The following F12 variants were observed in gnomAD, a reference collection of about 807,000 sequenced individuals.
The protein encoded by F12 is coagulation factor XII.
In F12, 70 loss-of-function variants were observed where a neutral mutation model predicts 74.8. The ratio of observed to expected loss-of-function variants is 0.94; its 90% CI spans 0.77 to 1.14. The LOEUF is 1.14. F12 is among the 50% of genes most tolerant of loss of function. The pLI is 0.00. For missense variants in F12, 811 were observed against 835.7 expected, an observed-to-expected ratio of 0.97 and a Z score of 0.36; for synonymous variants, 373 against 356.4, an observed-to-expected ratio of 1.05 and a Z score of -0.52.
chr5:177,409,029 G>T lies in F12; in HGVS notation c.115+17C>A, dbSNP rs1460857966. 49 of 1,550,792 alleles carry T rather than the reference G, an allele frequency of 3.2e-5. No homozygotes were observed. The highest frequency in any genetic ancestry group is 4.2e-5 in the Non-Finnish European group (48 of 1,146,950). ...CCCCACCCAAGGGTTCCCGGGAGGA[G>T]GAGCCAGGCCACTTACCGACTGTGT... On this transcript the variant is annotated intron_variant, in intron 2 of 13. Transcript: ENST00000253496.
Position 177,404,681 on chromosome 5 carries a change from C to A in F12, c.635-17G>T, listed in dbSNP as rs1346515061. The A allele has an allele frequency of 6.2e-7, 1 of 1,606,678 alleles. No individual in the cohort carries two copies. Among genetic ancestry groups the A allele is most frequent in the Non-Finnish European group, 8.5e-7 (1 of 1,179,672 alleles). ...CCTTGGTGTCTGAGGAGAAAGGGGG[C>A]TCCCTGGGCAGCCAAGGCTGGGCTC... On this transcript the variant is annotated splice_polypyrimidine_tract_variant and intron_variant, in intron 7 of 13. Coordinates refer to ENST00000253496, the MANE Select transcript of F12 (RefSeq NM_000505.4).
At chr5:177,403,788 A>T (rs1157693714) in intron 10 of F12, 71 bp downstream of exon 10, 23 of 1,459,778 alleles carry the variant, frequency 1.6e-5, no homozygotes, top group Non-Finnish European at 2.0e-5. Context: ...GTTCGGGTGC[A>T]GCGTGGAAGC....
chr5:177,405,618 TG>T (rs1295299790), intron 4 of F12, 116 bp downstream of exon 4: 1 of 1,233,632 alleles, frequency 8.1e-7, no homozygotes, highest in East Asian at 2.3e-5. Flanking sequence ...AAGGGTATTG[TG>T]GAGGGAGAGA....
Position 177,405,100 on chromosome 5 carries a change from G to A in F12, c.483C>T (p.Cys161=). 1 of 1,613,604 alleles carries A rather than the reference G, an allele frequency of 6.2e-7. No individual in the cohort carries two copies. Among genetic ancestry groups the A allele is most frequent in the Non-Finnish European group, 8.5e-7 (1 of 1,180,022 alleles). Residue 161 remains cysteine, a synonymous_variant, in exon 6 of 14, where the codon TGC becomes TGT. Coordinates refer to ENST00000253496, the MANE Select transcript of F12 (RefSeq NM_000505.4). The part of the protein sequence containing the change: ...YRTEQAAVAR[C]QCKGPDAHCQ... ...AGTGGGCATCAGGACCCTTGCACTG[G>A]CATCTGGCCACAGCTGCTTGCTCAG...
At chr5:177,402,816 G>A in intron 12 of F12, 118 bp from the exon 13 acceptor site, 1 of 1,401,838 alleles carries the variant, frequency 7.1e-7, no homozygotes, top group African/African-American at 1.4e-5. Context: ...CTCGCAGCAA[G>A]CCCGAAGGGG....
chr5:177,403,878 C>T lies in F12; in HGVS notation c.1231G>A (p.Ala411Thr), dbSNP rs865853663. The change falls in exon 10 of 14, where the codon GCT (alanine) becomes ACT (threonine). Residue 411 changes from alanine to threonine, a missense_variant. Ala to Thr is a moderately conservative substitution (Grantham distance 58, BLOSUM62 0). Coordinates refer to ENST00000253496, the MANE Select transcript of F12 (RefSeq NM_000505.4). ...LIAPCWVLTA[A>T]HCLQDRPAPE... Reference sequence around the variant, plus strand: ...ACTCGCCGGTCCTGCAGGCAGTGAGCGGCCGTCAGCACCCAGCAGGGGGCG... The same window carrying T: ...ACTCGCCGGTCCTGCAGGCAGTGAGTGGCCGTCAGCACCCAGCAGGGGGCG... The T allele has an allele frequency of 4.5e-6, 7 of 1,557,430 alleles. No homozygotes were observed. In the East Asian group the frequency reaches 1.2e-4, roughly 26 times the overall value.
intron 3 of F12, 37 bp from the exon 4 acceptor site, chr5:177,405,842 G>A (rs776278908): frequency 6.2e-7 from 1 of 1,612,430 alleles, no homozygotes; most frequent in Admixed American, 1.7e-5. Context: ...CTCTACCCAG[G>A]GGCCTGGCCC....
chr5:177,403,194 C>T, intron 12 of F12, 60 bp downstream of exon 12: 1 of 1,592,206 alleles, frequency 6.3e-7, no homozygotes, highest in East Asian at 2.2e-5. Flanking sequence ...GGGCTTCTTC[C>T]GCCTAACCCA....
rs778114935 is a variant in F12 at position 177,405,798 on chromosome 5, T to C, written c.223A>G (p.Thr75Ala). Residue 75 changes from threonine (T) to alanine (A), a missense_variant, in exon 4 of 14, where the codon ACC becomes GCC. Physicochemically the swap from Thr to Ala is moderately conservative, Grantham distance 58. Transcript: ENST00000253496. ...TGGTCCTGATCAAAGTTGGGGGTGG[T>C]AGCACACCTGTAGAAAGAGACAAGG... ...GRPGPQPWCA[T>A]TPNFDQDQRW... is the part of the protein sequence containing the mutation. 6 of 1,614,108 alleles carry C rather than the reference T, an allele frequency of 3.7e-6. No individual in the cohort carries two copies. The highest frequency in any genetic ancestry group is 3.3e-5 in the Admixed American group (2 of 60,016).
At chr5:177,405,297 C>T (rs940647627) in intron 5 of F12, 26 bp downstream of exon 5, 14 of 1,613,730 alleles carry the variant, frequency 8.7e-6, no homozygotes, top group Admixed American at 3.3e-5. Flanking sequence ...CCCAGCACCC[C>T]GCCCAGGTCC....
At chr5:177,402,912 AAAC>A (rs1441929836) in intron 12 of F12, 2 of 719,330 alleles carry the variant, frequency 2.8e-6, no homozygotes, top group Non-Finnish European at 4.6e-6. Flanking sequence ...GCGGAAACAG[AAAC>A]CCCTCCCCCA....
Position 177,404,182 on chromosome 5 carries a change from C to T in F12, c.1018+14G>A, listed in dbSNP as rs779057710. ...CGCCCTCTCGGCTCCTCCTTCCCCC[C>T]CCCACTTCCTAACCTCCCGGGGTCT... On this transcript the variant is annotated intron_variant, in intron 9 of 13. Transcript: ENST00000253496. 6.3e-7 allele frequency: 1 copy of T among 1,594,014 alleles called. No homozygotes were observed. The highest frequency in any genetic ancestry group is 8.5e-7 in the Non-Finnish European group (1 of 1,170,498).
In F12 at chr5:177,405,158, C is replaced by G; in HGVS notation, c.425G>C (p.Arg142Pro). 1.9e-6 allele frequency: 3 copies of G among 1,613,974 alleles called. No homozygotes were observed. The highest frequency in any genetic ancestry group is 2.5e-6 in the Non-Finnish European group (3 of 1,180,042). ...CCATATCTCATTCTTGTGGAAAAACCGGAGAAGCTGAGGCTCAAAGCACTT... is the reference window on the plus strand; with the variant it reads ...CCATATCTCATTCTTGTGGAAAAACGGGAGAAGCTGAGGCTCAAAGCACTT... The part of the protein sequence containing the change: ...KEKCFEPQLL[R>P]FFHKNEIWYR... Residue 142 changes from arginine (R) to proline (P), a missense_variant, in exon 6 of 14, where the codon CGG (arginine) becomes CCG (proline). Transcript: ENST00000253496.
At chr5:177,409,330 C>A in intron 1 of F12, 141 bp downstream of exon 1, 1 of 1,071,550 alleles carries the variant, frequency 9.3e-7, no homozygotes, top group Non-Finnish European at 1.4e-6. Context: ...TCTGCCTGGG[C>A]CTTCCGGGCT....
In F12 at chr5:177,405,191, G is replaced by T. The variant is rs779052267; in HGVS notation, c.398-6C>A. The stretch of plus-strand genomic sequence containing the variant: ...CTGAGGCTCAAAGCACTTCTCTGGG[G>T]ACAAAGAGGGATAGTGGTCTCAGGA... On this transcript the variant is annotated splice_polypyrimidine_tract_variant and splice_region_variant and intron_variant, in intron 5 of 13. Coordinates refer to ENST00000253496, the MANE Select transcript of F12 (RefSeq NM_000505.4). 1 of 1,613,816 alleles carries T rather than the reference G, an allele frequency of 6.2e-7. No individual in the cohort carries two copies. Among genetic ancestry groups the T allele is most frequent in the Admixed American group, 1.7e-5 (1 of 60,028 alleles).
At chr5:177,406,644 T>G (rs1763304010) in intron 2 of F12, among the ~76,000 whole-genome samples, 1 of 152,210 alleles carries the variant, frequency 6.6e-6, no homozygotes, top group Admixed American at 6.5e-5. Context: ...ACTTGTTGAA[T>G]GTTGAAGTCA....
At chr5:177,408,925 G>T in intron 2 of F12, 121 bp downstream of exon 2, 1 of 935,356 alleles carries the variant, frequency 1.1e-6, no homozygotes, top group Non-Finnish European at 1.7e-6. Flanking sequence ...TCACTCTAGT[G>T]CCCATGGGCA....
chr5:177,402,206 G>A lies in F12; in HGVS notation c.*86C>T, dbSNP rs777897437. On this transcript the variant is annotated 3_prime_UTR_variant, in exon 14 of 14. Coordinates refer to ENST00000253496, the MANE Select transcript of F12 (RefSeq NM_000505.4). ...CTGGCGCGGAGCTGGCCGCACTGGGGGAATGGGACACAATCTTGCCTTCCA... is the reference window on the plus strand; with the variant it reads ...CTGGCGCGGAGCTGGCCGCACTGGGAGAATGGGACACAATCTTGCCTTCCA... The A allele has an allele frequency of 9.7e-6, 15 of 1,551,402 alleles. No homozygotes were observed. The highest frequency in any genetic ancestry group is 1.1e-5 in the Non-Finnish European group (13 of 1,138,738).
At position 177,403,722 on chromosome 5, in the gene F12, C is replaced by A. The variant is rs542041109; in HGVS notation, c.1251-105G>T. On this transcript the variant is annotated intron_variant, in intron 10 of 13. Transcript: ENST00000253496. ...CAATCCCGTGTTCCAGCTTCCTCCCCGGGAGCTCCGGAGGGGCGTGGAAAG... is the reference window on the plus strand; with the variant it reads ...CAATCCCGTGTTCCAGCTTCCTCCCAGGGAGCTCCGGAGGGGCGTGGAAAG... 894 of 1,511,688 alleles carry A rather than the reference C, an allele frequency of 5.9e-4. 13 individuals are homozygous for A. In the South Asian group the frequency reaches 0.01, roughly 17 times the overall value. 93.6% of individuals were successfully genotyped at this position (1,511,688 alleles called of 1,614,324 possible). A position where few individuals can be genotyped will look rare whatever the true frequency, so the allele number is the denominator to read the frequency against.
Sources: gnomAD v4.1 joint callset for allele counts (sites outside exome capture counted in the v4.1 genomes callset) on GRCh38, gnomAD v4.1.1 for gene constraint, MANE v1.5 for transcripts, NCBI Gene and HGNC (gene_info 2026-07-23, HGNC 2026-07-21) for gene names.